STARD9: variants seen among roughly 807,000 people sequenced by gnomAD.
The protein encoded by STARD9 is StAR related lipid transfer domain containing 9.
A neutral mutation model predicts 399.8 loss-of-function variants in STARD9; 346 were observed. That is an observed-to-expected ratio of 0.87 (90% confidence interval 0.79 to 0.95). The LOEUF (loss-of-function observed/expected upper bound fraction) is 0.95. STARD9 is among the 40% of genes least tolerant of loss of function. STARD9 has a pLI of 0.00. For synonymous variants in STARD9, 2,203 were observed against 2,143.5 expected, an observed-to-expected ratio of 1.03 and a Z score of -0.77; for missense variants, 5,832 against 5,667.5, an observed-to-expected ratio of 1.03 and a Z score of -0.93.
At chr15:42,646,334 C>T (rs1189235476) in intron 7 of STARD9, among the ~76,000 whole-genome samples, 1 of 152,208 alleles carries the variant, frequency 6.6e-6, no homozygotes, top group Non-Finnish European at 1.5e-5. Flanking sequence ...CAATGGAAGC[C>T]TGATTTGTCT....
chr15:42,702,828 T>C (rs563800652), intron 26 of STARD9, among the ~76,000 whole-genome samples: 41 of 152,356 alleles, frequency 2.7e-4, no homozygotes, highest in Admixed American at 7.2e-4. Context: ...TTGATGTTTT[T>C]TTCCTTCAGC....
At position 42,693,701 on chromosome 15, in the gene STARD9, T is replaced by G; in HGVS notation, c.12123T>G (p.His4041Gln). 3.3e-6 allele frequency: 5 copies of G among 1,537,100 alleles called. No individual in the cohort carries two copies. The highest frequency in any genetic ancestry group is 4.4e-6 in the Non-Finnish European group (5 of 1,146,910). The change falls in exon 23 of 33, where the codon CAT becomes CAG. Residue 4041 changes from histidine (H) to glutamine (Q), a missense_variant. Physicochemically the swap from His to Gln is conservative, Grantham distance 24. Transcript: ENST00000290607. The part of the protein sequence containing the change: ...FVPEKVASPE[H>Q]CPLSGREPSQ... ...CTGAGAAGGTGGCTTCCCCGGAGCATTGCCCACTGAGCGGTAGGGAGCCAA... is the reference window on the plus strand; with the variant it reads ...CTGAGAAGGTGGCTTCCCCGGAGCAGTGCCCACTGAGCGGTAGGGAGCCAA...
At chr15:42,635,537 G>T (rs2059403322) in intron 4 of STARD9, among the ~76,000 whole-genome samples, 1 of 151,992 alleles carries the variant, frequency 6.6e-6, no homozygotes, top group Non-Finnish European at 1.5e-5. Context: ...CACCGTGTTA[G>T]CCAGGATGGT....
At chr15:42,717,868 C>T in intron 29 of STARD9, 73 bp downstream of exon 29, 1 of 1,506,564 alleles carries the variant, frequency 6.6e-7, no homozygotes, top group Non-Finnish European at 8.9e-7. Flanking sequence ...TTCTCTCCTC[C>T]TTTCCCTTAC....
intron 26 of STARD9, among the ~76,000 whole-genome samples, chr15:42,714,923 G>A (rs2061323408): frequency 6.6e-6 from 1 of 152,072 alleles, no homozygotes; most frequent in African/African-American, 2.4e-5. Flanking sequence ...TTTATTTTTG[G>A]AAGTCAGTAT....
chr15:42,657,622 C>T (rs1353342819), intron 9 of STARD9, among the ~76,000 whole-genome samples: 1 of 152,186 alleles, frequency 6.6e-6, no homozygotes. Context: ...AAGATTTGAG[C>T]AACATTATCA....
intron 1 of STARD9, among the ~76,000 whole-genome samples, chr15:42,577,496 G>A (rs959530749): frequency 1.3e-5 from 2 of 152,194 alleles, no homozygotes; most frequent in Non-Finnish European, 2.9e-5. Context: ...TTAAGAAAAT[G>A]ATGCTGAAAT....
chr15:42,688,279 A>C lies in STARD9; in HGVS notation c.6701A>C (p.Lys2234Thr). 6.5e-7 allele frequency: 1 copy of C among 1,537,586 alleles called. No individual in the cohort carries two copies. The highest frequency in any genetic ancestry group is 8.7e-7 in the Non-Finnish European group (1 of 1,147,010). Residue 2234 changes from lysine (K) to threonine (T), a missense_variant, in exon 23 of 33, where the codon AAA (lysine) becomes ACA (threonine). Physicochemically the swap from Lys to Thr is moderately conservative, Grantham distance 78 (BLOSUM62 -1). Coordinates refer to ENST00000290607, the MANE Select transcript of STARD9 (RefSeq NM_020759.3). The part of the protein sequence containing the change: ...GQFVKASASL[K>T]GQPWGLGSLE... Reference sequence around the variant, plus strand: ...TTTGTAAAAGCATCAGCAAGTCTCAAAGGGCAGCCTTGGGGCTTAGGAAGT... The same window carrying C: ...TTTGTAAAAGCATCAGCAAGTCTCACAGGGCAGCCTTGGGGCTTAGGAAGT...
chr15:42,586,954 A>G (rs1355533427), intron 3 of STARD9, among the ~76,000 whole-genome samples: 4 of 151,752 alleles, frequency 2.6e-5, no homozygotes, highest in Non-Finnish European at 4.4e-5. Context: ...TTCTGGGCTG[A>G]AAGTGATCTT....
chr15:42,661,136 C>T, intron 9 of STARD9, 22 bp from the exon 10 acceptor site: 1 of 1,512,082 alleles, frequency 6.6e-7, no homozygotes. Context: ...AAATGACAGG[C>T]TTTAAATGTT....
Position 42,693,803 on chromosome 15 carries a change from A to G in STARD9, c.12225A>G (p.Arg4075=). 6.5e-7 allele frequency: 1 copy of G among 1,536,322 alleles called. No individual in the cohort carries two copies. The highest frequency in any genetic ancestry group is 1.2e-5 in the South Asian group (1 of 83,974). Residue 4075 remains arginine (R), a synonymous_variant, in exon 23 of 33, where the codon CGA becomes CGG. Transcript: ENST00000290607. ...SPGEPQRTLD[R]PSSWGGLQHL... is the part of the protein sequence containing the mutation. ...GGGAACCACAACGCACTCTGGACCG[A>G]CCTTCTTCATGGGGAGGCCTCCAGC...
At position 42,693,214 on chromosome 15, in the gene STARD9, A is replaced by T. The variant is rs1271610831; in HGVS notation, c.11636A>T (p.Asp3879Val). The T allele has an allele frequency of 7.8e-6, 12 of 1,535,950 alleles. No individual in the cohort carries two copies. Among genetic ancestry groups the T allele is most frequent in the Non-Finnish European group, 1.0e-5 (12 of 1,146,602 alleles). The change falls in exon 23 of 33, where the codon GAC becomes GTC. Residue 3879 changes from aspartate to valine, a missense_variant. Asp to Val is a radical substitution (Grantham distance 152). This residue lies in a region of STARD9 where 5,828 missense variants were observed against 5,651.1 expected (regional missense o/e 1.03). Coordinates refer to ENST00000290607, the MANE Select transcript of STARD9 (RefSeq NM_020759.3). Reference sequence around the variant, plus strand: ...CCCAGTACTTCCGAGTATCCTGGGGACTCCAGGGTCCAGAAGAAGCTGGGC... The same window carrying T: ...CCCAGTACTTCCGAGTATCCTGGGGTCTCCAGGGTCCAGAAGAAGCTGGGC... ...LFPSTSEYPG[D>V]SRVQKKLGPT...
At chr15:42,601,314 T>G (rs531588673) in intron 3 of STARD9, among the ~76,000 whole-genome samples, 122 of 152,266 alleles carry the variant, frequency 8.0e-4, no homozygotes, top group African/African-American at 2.9e-3. Context: ...TTTCCCCACA[T>G]TTCCCCCTTT....
chr15:42,686,666 A>G lies in STARD9; in HGVS notation c.5088A>G (p.Glu1696=), dbSNP rs982114960. The G allele has an allele frequency of 1.4e-5, 21 of 1,537,628 alleles. No individual in the cohort carries two copies. In the Admixed American group the frequency reaches 2.7e-4, roughly 20 times the overall value. ...LSPDSHYPLE[E]EKTDCQESSK... ...CCGACAGCCACTACCCACTAGAGGA[A>G]GAGAAGACAGATTGCCAGGAGAGCT... Residue 1696 remains glutamate, a synonymous_variant, in exon 23 of 33, where the codon GAA becomes GAG. Transcript: ENST00000290607.
chr15:42,687,164 C>A lies in STARD9; in HGVS notation c.5586C>A (p.Ser1862Arg), dbSNP rs1489584928. The change falls in exon 23 of 33, where the codon AGC becomes AGA. Residue 1862 changes from serine (S) to arginine (R), a missense_variant. Physicochemically the swap from Ser to Arg is moderately radical, Grantham distance 110 (BLOSUM62 -1). This residue lies in a region of STARD9 where 5,828 missense variants were observed against 5,651.1 expected (regional missense o/e 1.03). Transcript: ENST00000290607. Reference protein sequence around the residue: ...TQNRHFLPSTSTKVCEFENQV... With the variant: ...TQNRHFLPSTRTKVCEFENQV... ...ACAGACATTTTCTCCCCTCTACCAG[C>A]ACAAAAGTATGTGAATTTGAAAACC... 26 of 1,533,126 alleles carry A rather than the reference C, an allele frequency of 1.7e-5. No individual in the cohort carries two copies. The highest frequency in any genetic ancestry group is 1.9e-5 in the Non-Finnish European group (22 of 1,143,586). 95.0% of individuals were successfully genotyped at this position (1,533,126 alleles called of 1,614,324 possible). A position where few individuals can be genotyped will look rare whatever the true frequency, so the allele number is the denominator to read the frequency against.
At chr15:42,627,828 T>A (rs1401846878) in intron 3 of STARD9, among the ~76,000 whole-genome samples, 1 of 152,262 alleles carries the variant, frequency 6.6e-6, no homozygotes, top group Admixed American at 6.5e-5. Flanking sequence ...TGTTTGTCTC[T>A]TGATGGACAT....
rs572559360 is a variant in STARD9, at chr15:42,602,004, G to A, written c.234+16367G>A. ...TGGGACTACAGGTGCGTGTCACCAC[G>A]CCCGGCTCGTTTTTATATTTTTAGT... is the stretch of plus-strand genomic sequence containing the variant. On this transcript the variant is annotated intron_variant, in intron 3 of 32. Transcript: ENST00000290607. Among the ~76,000 whole-genome samples the A allele has an allele frequency of 6.6e-4, 100 of 152,254 alleles. 1 individual carries two copies. Among genetic ancestry groups the A allele is most frequent in the African/African-American group, 2.3e-3 (97 of 41,538 alleles).
At position 42,687,660 on chromosome 15, in the gene STARD9, CCCAACAG is replaced by C; in HGVS notation, c.6083_6089del (p.Pro2028GlnfsTer21). 1 of 1,536,986 alleles carries C rather than the reference CCCAACAG, an allele frequency of 6.5e-7. No individual in the cohort carries two copies. The highest frequency in any genetic ancestry group is 8.7e-7 in the Non-Finnish European group (1 of 1,146,812). ...ATGCAAGTCACAAGAAATGTTAAATCCCAACAGAGAACCTTCTGGAAAGAAACAGAAT... is the reference window on the plus strand; with the variant it reads ...ATGCAAGTCACAAGAAATGTTAAATCAGAACCTTCTGGAAAGAAACAGAAT... On this transcript the variant is annotated frameshift_variant, in exon 23 of 33. Coordinates refer to ENST00000290607, the MANE Select transcript of STARD9 (RefSeq NM_020759.3). LOFTEE classifies it high-confidence loss of function.
At chr15:42,579,178 G>C (rs1022768550) in intron 1 of STARD9, among the ~76,000 whole-genome samples, 2 of 152,086 alleles carry the variant, frequency 1.3e-5, no homozygotes, top group Non-Finnish European at 2.9e-5. Flanking sequence ...AAAGCTAAAG[G>C]GTCAGAGAAA....
Sources: allele counts gnomAD v4.1 joint callset (sites outside exome capture counted in the v4.1 genomes callset), GRCh38; gene constraint gnomAD v4.1.1; regional missense constraint gnomAD v4.1.1; transcripts MANE v1.5; gene names NCBI Gene and HGNC (gene_info 2026-07-23, HGNC 2026-07-21).